RAB34: variants seen among roughly 807,000 people sequenced by gnomAD.
RAB34 encodes the protein ras-related protein Rab-34.
RAB34 carries 33 observed loss-of-function variants against 39.0 expected under a neutral mutation model. That is an observed-to-expected ratio of 0.85 (90% CI 0.64 to 1.13). The LOEUF (loss-of-function observed/expected upper bound fraction) is 1.13, where lower values mean the gene tolerates loss of function less well. Among genes scored for constraint, RAB34 ranks in the 50% most tolerant of loss-of-function variants. RAB34 has a pLI of 0.00. For missense variants in RAB34, 289 were observed against 326.1 expected, an observed-to-expected ratio of 0.89 and a Z score of 0.88; for synonymous variants, 135 against 125.1, an observed-to-expected ratio of 1.08 and a Z score of -0.53.
chr17:28,715,540 C>T, intron 5 of RAB34, 33 bp from the exon 6 acceptor site: 3 of 1,614,102 alleles, frequency 1.9e-6, no homozygotes, highest in Non-Finnish European at 2.5e-6. Flanking sequence ...CCCAGGTTGA[C>T]AGGGAAGACA....
rs538493400 is a variant in RAB34, at chr17:28,717,592, C to A, written c.-326G>T. The A allele has an allele frequency of 1.1e-4, 154 of 1,410,616 alleles. No individual in the cohort carries two copies. The East Asian group carries it at 3.4e-3, about 31-fold the overall frequency. 87.4% of individuals were successfully genotyped at this position (1,410,616 alleles called of 1,614,324 possible). ...CTGGTGGGGGCCGGGCCCGCGCAGA[C>A]CCTACGATTACGCGGGGCCGGATAG... On this transcript the variant is annotated 5_prime_UTR_variant, in exon 1 of 10. Coordinates refer to ENST00000395245, the MANE Select transcript of RAB34 (RefSeq NM_031934.6).
Position 28,715,178 on chromosome 17 carries a change from C to T in RAB34, c.513+17G>A. 1 of 1,613,928 alleles carries T rather than the reference C, an allele frequency of 6.2e-7. No individual in the cohort carries two copies. Among genetic ancestry groups the T allele is most frequent in the Non-Finnish European group, 8.5e-7 (1 of 1,179,854 alleles). The stretch of plus-strand genomic sequence containing the variant: ...TTCCCTCACCAAGCTGGGAAGTCCC[C>T]CCACTGGCACACTCACACTCAGATC... On this transcript the variant is annotated intron_variant, in intron 7 of 9. Transcript: ENST00000395245.
At position 28,714,306 on chromosome 17, in the gene RAB34, A is replaced by G. The variant is rs2032962073; in HGVS notation, c.*337T>C. 3.6e-6 allele frequency: 2 copies of G among 558,594 alleles called. No homozygotes were observed. Among genetic ancestry groups the G allele is most frequent in the Admixed American group, 6.1e-5 (2 of 32,692 alleles). 34.6% of individuals were successfully genotyped at this position (558,594 alleles called of 1,614,324 possible). On this transcript the variant is annotated 3_prime_UTR_variant, in exon 10 of 10. Transcript: ENST00000395245. ...AAGTGCTCGTAACAAAGAAATTTTA[A>G]TGCATAAGGCACAGTGAGAGGCTGG...
At chr17:28,717,065 G>A (rs2033584631) in intron 1 of RAB34, 71 bp from the exon 2 acceptor site, 1 of 1,586,104 alleles carries the variant, frequency 6.3e-7, no homozygotes, top group South Asian at 1.1e-5. Context: ...AGCGGCCCGG[G>A]TAGGGGTGGA....
Position 28,717,430 on chromosome 17 carries a change from G to A in RAB34, c.-164C>T, listed in dbSNP as rs1266658289. Reference sequence around the variant, plus strand: ...GAGTCCGCGGTCTCGGAGACGCTACGACCACCGCGGGCCACGGAGATGAAA... The same window carrying A: ...GAGTCCGCGGTCTCGGAGACGCTACAACCACCGCGGGCCACGGAGATGAAA... On this transcript the variant is annotated 5_prime_UTR_variant, in exon 1 of 10. Transcript: ENST00000395245. 1 of 1,490,988 alleles carries A rather than the reference G, an allele frequency of 6.7e-7. No individual in the cohort carries two copies. Among genetic ancestry groups the A allele is most frequent in the Non-Finnish European group, 8.9e-7 (1 of 1,119,788 alleles). The allele number at this position is 1,490,988 out of a possible 1,614,324, so 92.4% of individuals were successfully genotyped here. A position where few individuals can be genotyped will look rare whatever the true frequency, so the allele number is the denominator to read the frequency against.
At chr17:28,716,841 C>G in intron 2 of RAB34, 62 bp downstream of exon 2, 2 of 1,556,354 alleles carry the variant, frequency 1.3e-6, no homozygotes, top group South Asian at 2.4e-5. Context: ...GTTGTTTACC[C>G]TCGCTATGAC....
chr17:28,716,734 A>G, intron 2 of RAB34, 169 bp downstream of exon 2: 1 of 763,650 alleles, frequency 1.3e-6, no homozygotes, highest in Non-Finnish European at 2.0e-6. Context: ...AGAACTCACA[A>G]CAACCTTGTT....
In RAB34 at chr17:28,717,402, C is replaced by G. The variant is rs1032574818; in HGVS notation, c.-136G>C. 29 of 1,507,948 alleles carry G rather than the reference C, an allele frequency of 1.9e-5. No individual in the cohort carries two copies. Among genetic ancestry groups the G allele is most frequent in the Admixed American group, 4.1e-5 (2 of 48,352 alleles). 93.4% of individuals were successfully genotyped at this position (1,507,948 alleles called of 1,614,324 possible). A position where few individuals can be genotyped will look rare whatever the true frequency, so the allele number is the denominator to read the frequency against. On this transcript the variant is annotated 5_prime_UTR_variant, in exon 1 of 10. Transcript: ENST00000395245. ...ACAACTCGGGGCCACGGGGACCCTACGGGAGTCCGCGGTCTCGGAGACGCT... is the reference window on the plus strand; with the variant it reads ...ACAACTCGGGGCCACGGGGACCCTAGGGGAGTCCGCGGTCTCGGAGACGCT...
At position 28,716,971 on chromosome 17, in the gene RAB34, C is replaced by T; in HGVS notation, c.78G>A (p.Leu26=). The T allele has an allele frequency of 1.2e-6, 2 of 1,613,684 alleles. No individual in the cohort carries two copies. Among genetic ancestry groups the T allele is most frequent in the Non-Finnish European group, 1.7e-6 (2 of 1,179,944 alleles). ...GGGGGTGGAAGTCTTTGTGCCCGTG[C>T]AAAGCGGCCTCCTTCCTCAGGCACT... ...LPQCLRKEAA[L]HGHKDFHPRV... The change falls in exon 2 of 10, where the codon TTG becomes TTA. Residue 26 remains leucine, a synonymous_variant. Coordinates refer to ENST00000395245, the MANE Select transcript of RAB34 (RefSeq NM_031934.6).
rs2033165779 is a variant in RAB34 at position 28,715,267 on chromosome 17, C to T, written c.441G>A (p.Leu147=). Residue 147 remains leucine (L), a synonymous_variant, in exon 7 of 10, where the codon CTG becomes CTA. Coordinates refer to ENST00000395245, the MANE Select transcript of RAB34 (RefSeq NM_031934.6). ...VASLEHTKQW[L]ADALKENDPS... The stretch of plus-strand genomic sequence containing the variant: ...GGTCATTCTCCTTCAGGGCATCGGC[C>T]AGCCACTGCCTGCCATGGGAGGTGG... The T allele has an allele frequency of 6.2e-7, 1 of 1,613,162 alleles. No homozygotes were observed. Among genetic ancestry groups the T allele is most frequent in the South Asian group, 1.1e-5 (1 of 91,050 alleles).
rs1482124380 is a variant in RAB34 at position 28,717,610 on chromosome 17, C to T, written c.-344G>A. 2 of 1,394,402 alleles carry T rather than the reference C, an allele frequency of 1.4e-6. No homozygotes were observed. Among genetic ancestry groups the T allele is most frequent in the East Asian group, 2.8e-5 (1 of 35,102 alleles). The allele number at this position is 1,394,402 out of a possible 1,614,324, so 86.4% of individuals were successfully genotyped here. A position where few individuals can be genotyped will look rare whatever the true frequency, so the allele number is the denominator to read the frequency against. ...GCGCAGACCCTACGATTACGCGGGG[C>T]CGGATAGTTCCTACGATTACGCGGG... is the stretch of plus-strand genomic sequence containing the variant. On this transcript the variant is annotated 5_prime_UTR_variant, in exon 1 of 10. Coordinates refer to ENST00000395245, the MANE Select transcript of RAB34 (RefSeq NM_031934.6).
chr17:28,717,135 C>G lies in RAB34; in HGVS notation c.54+78G>C, dbSNP rs2033599903. 1.9e-6 allele frequency: 3 copies of G among 1,538,482 alleles called. No individual in the cohort carries two copies. The East Asian group carries it at 7.0e-5, about 36-fold the overall frequency. On this transcript the variant is annotated intron_variant, in intron 1 of 9. Coordinates refer to ENST00000395245, the MANE Select transcript of RAB34 (RefSeq NM_031934.6). ...GGGTGGCAGGGCTGGGCCCAGTCCT[C>G]TAACTGGTCTGGTGCCGCCTCCTCC...
chr17:28,716,301 C>T, intron 2 of RAB34: 1 of 549,688 alleles, frequency 1.8e-6, no homozygotes, highest in East Asian at 2.9e-5. Context: ...TGACTTTGGA[C>T]ACGTTATTTA....
chr17:28,718,213 G>C, upstream of RAB34: 12 of 1,601,416 alleles, frequency 7.5e-6, no homozygotes, highest in Non-Finnish European at 1.0e-5. Context: ...GAGAGAAGGG[G>C]CCCAAGGAGA....
chr17:28,714,284 T>G lies in RAB34; in HGVS notation c.*359A>C. 2.0e-6 allele frequency: 1 copy of G among 505,670 alleles called. No individual in the cohort carries two copies. The highest frequency in any genetic ancestry group is 3.6e-6 in the Non-Finnish European group (1 of 277,100). The allele number at this position is 505,670 out of a possible 1,614,324, so 31.3% of individuals were successfully genotyped here. A position where few individuals can be genotyped will look rare whatever the true frequency, so the allele number is the denominator to read the frequency against. ...CCAACAAAGAACTCCAGCCCCAAAG[T>G]GCTCGTAACAAAGAAATTTTAATGC... On this transcript the variant is annotated 3_prime_UTR_variant, in exon 10 of 10. Coordinates refer to ENST00000395245, the MANE Select transcript of RAB34 (RefSeq NM_031934.6).
At position 28,715,479 on chromosome 17, in the gene RAB34, A is replaced by T. The variant is rs2151702513; in HGVS notation, c.408T>A (p.Asp136Glu). 1 of 1,614,070 alleles carries T rather than the reference A, an allele frequency of 6.2e-7. No individual in the cohort carries two copies. The highest frequency in any genetic ancestry group is 1.1e-5 in the South Asian group (1 of 91,084). Residue 136 changes from aspartate to glutamate, a missense_variant, in exon 6 of 10, where the codon GAT becomes GAA. Coordinates refer to ENST00000395245, the MANE Select transcript of RAB34 (RefSeq NM_031934.6). ...ACTTGGTATGTTCCAGAGATGCCAC[A>T]TCATTCAGGTTGAAGACAATGATGA... ...QAIIIVFNLN[D>E]VASLEHTKQW...
chr17:28,717,969 C>A (rs969190722), upstream of RAB34: 72 of 1,295,582 alleles, frequency 5.6e-5, no homozygotes, highest in African/African-American at 1.1e-3. Flanking sequence ...CCTCTCCACC[C>A]TTCTGCGTTG....
At chr17:28,714,982 G>A (rs1296644001) in intron 8 of RAB34, 50 bp downstream of exon 8, 14 of 1,600,396 alleles carry the variant, frequency 8.7e-6, no homozygotes, top group Non-Finnish European at 1.2e-5. Flanking sequence ...AGCAGTGAGA[G>A]GAGAGCCAGG....
At chr17:28,718,164 A>T, upstream of RAB34, 2 of 1,610,154 alleles carry the variant, frequency 1.2e-6, no homozygotes, top group African/African-American at 1.3e-5. Flanking sequence ...GCTGCGCAGC[A>T]TCTGGCGATG....
Sources: allele counts gnomAD v4.1 joint callset, GRCh38; gene constraint gnomAD v4.1.1; transcripts MANE v1.5; gene names NCBI Gene and HGNC (gene_info 2026-07-23, HGNC 2026-07-21).